BABAM2: variants seen among roughly 807,000 people sequenced by gnomAD.
The protein encoded by BABAM2 is BRISC and BRCA1 A complex member 2.
In BABAM2, 31 loss-of-function variants were observed where a neutral mutation model predicts 54.7. That is an observed-to-expected ratio of 0.57 (90% confidence interval 0.43 to 0.77). The LOEUF (loss-of-function observed/expected upper bound fraction) is 0.77, where lower values mean the gene tolerates loss of function less well. Among genes scored for constraint, BABAM2 ranks in the 30% least tolerant of loss-of-function variants. BABAM2 has a pLI of 0.00. For synonymous variants in BABAM2, 167 were observed against 162.9 expected (o/e 1.03, Z -0.19); for missense variants, 364 against 455.8 (o/e 0.80, Z 1.83).
chr2:28,256,595 G>A (rs1683993582), intron 10 of BABAM2, among the ~76,000 whole-genome samples: 1 of 151,948 alleles, frequency 6.6e-6, no homozygotes. Flanking sequence ...TGAGTACCTG[G>A]CCCAAGGTCA....
intron 10 of BABAM2, among the ~76,000 whole-genome samples, chr2:28,261,235 C>T (rs555160339): frequency 6.6e-6 from 1 of 152,006 alleles, no homozygotes; most frequent in Non-Finnish European, 1.5e-5. Context: ...AGCCACTGCA[C>T]CCAGACTAAA....
At chr2:28,164,229 C>T (rs955507564) in intron 7 of BABAM2, among the ~76,000 whole-genome samples, 2 of 152,152 alleles carry the variant, frequency 1.3e-5, no homozygotes, top group African/African-American at 4.8e-5. Context: ...AGAGCAGTTC[C>T]ACATGTGCAA....
intron 6 of BABAM2, among the ~76,000 whole-genome samples, chr2:28,059,137 G>A (rs1678667775): frequency 6.6e-6 from 1 of 152,114 alleles, no homozygotes. Flanking sequence ...CCAGAATTTG[G>A]CATAGGAGAA....
chr2:28,153,739 CAG>C (rs1479570603), intron 7 of BABAM2, among the ~76,000 whole-genome samples: 2 of 152,194 alleles, frequency 1.3e-5, no homozygotes, highest in African/African-American at 2.4e-5. Context: ...TTTAGGGGCT[CAG>C]AAATCTGCAT....
intron 4 of BABAM2, among the ~76,000 whole-genome samples, chr2:28,005,108 A>G (rs10199574): frequency 1.1e-4 from 17 of 152,198 alleles, no homozygotes; most frequent in African/African-American, 3.9e-4. Flanking sequence ...GGGAAAAGAG[A>G]TAACTATTTC....
chr2:28,161,135 G>A (rs1380442010), intron 7 of BABAM2, among the ~76,000 whole-genome samples: 1 of 152,166 alleles, frequency 6.6e-6, no homozygotes, highest in Non-Finnish European at 1.5e-5. Context: ...CGTCTTCAGG[G>A]AATTATGGGT....
intron 7 of BABAM2, among the ~76,000 whole-genome samples, chr2:28,130,220 G>A (rs1669907167): frequency 6.6e-6 from 1 of 152,046 alleles, no homozygotes; most frequent in South Asian, 2.1e-4. Flanking sequence ...GAGTAGATGT[G>A]GTCACTATCT....
chr2:28,121,336 C>T (rs1233735627), intron 6 of BABAM2, among the ~76,000 whole-genome samples: 1 of 152,170 alleles, frequency 6.6e-6, no homozygotes, highest in Non-Finnish European at 1.5e-5. Context: ...GAGGAAATAA[C>T]CTAATTACTG....
chr2:28,154,560 AC>A (rs1672366527), intron 7 of BABAM2, among the ~76,000 whole-genome samples: 1 of 152,124 alleles, frequency 6.6e-6, no homozygotes, highest in African/African-American at 2.4e-5. Context: ...TATTTTTCTT[AC>A]ATTTCTGTGT....
intron 6 of BABAM2, among the ~76,000 whole-genome samples, chr2:28,100,462 CAAA>C (rs34217491): frequency 2.2e-5 from 2 of 89,630 alleles, no homozygotes; most frequent in African/African-American, 4.6e-5. Flanking sequence ...ACTCTGTCTC[CAAA>C]AAAAAAAAAA....
chr2:28,063,155 A>C, intron 6 of BABAM2, among the ~76,000 whole-genome samples: 1 of 152,194 alleles, frequency 6.6e-6, no homozygotes, highest in South Asian at 2.1e-4. Flanking sequence ...GGACATTTAC[A>C]AACTTAAGTA....
At chr2:28,210,279 G>C (rs901899927) in intron 7 of BABAM2, among the ~76,000 whole-genome samples, 2 of 152,168 alleles carry the variant, frequency 1.3e-5, no homozygotes, top group Non-Finnish European at 2.9e-5. Flanking sequence ...CTATAACTTG[G>C]AGAATAAATA....
At position 28,248,207 on chromosome 2, in the gene BABAM2, C is replaced by CTTTTTCTTTTTCTTTTTTTT. The variant is rs1553349503; in HGVS notation, c.934+3350_934+3351insCTTTTTCTTTTTTTTTTTTT. Among the ~76,000 whole-genome samples the CTTTTTCTTTTTCTTTTTTTT allele has an allele frequency of 9.2e-4, 50 of 54,306 alleles. 1 individual carries two copies. Among genetic ancestry groups the CTTTTTCTTTTTCTTTTTTTT allele is most frequent in the Non-Finnish European group, 1.7e-3 (47 of 27,152 alleles). 35.6% of individuals were successfully genotyped at this position (54,306 alleles called of 152,430 possible). A position where few individuals can be genotyped will look rare whatever the true frequency, so the allele number is the denominator to read the frequency against. ...AGTAGCTTTTGTTTATTTTCTTTTT[C>CTTTTTCTTTTTCTTTTTTTT]TTTTTTTTTTTTTTTTTTTGAGACG... On this transcript the variant is annotated intron_variant, in intron 10 of 11. Coordinates refer to ENST00000379624, the MANE Select transcript of BABAM2 (RefSeq NM_199191.3).
chr2:28,097,071 A>G (rs1200630298), intron 6 of BABAM2, among the ~76,000 whole-genome samples: 2 of 152,192 alleles, frequency 1.3e-5, no homozygotes, highest in Non-Finnish European at 2.9e-5. Context: ...TAGGAAGGTG[A>G]CAGTACTGGA....
intron 10 of BABAM2, among the ~76,000 whole-genome samples, chr2:28,275,866 G>A (rs1408527660): frequency 1.3e-5 from 2 of 152,104 alleles, no homozygotes; most frequent in African/African-American, 2.4e-5. Flanking sequence ...TTCATGCGCT[G>A]TTAGAAATAG....
intron 3 of BABAM2, among the ~76,000 whole-genome samples, chr2:27,950,729 C>T (rs1669648213): frequency 1.3e-5 from 2 of 151,720 alleles, no homozygotes; most frequent in African/African-American, 4.8e-5. Flanking sequence ...CATATTATTT[C>T]TTCCTTAAAT....
At chr2:28,295,446 A>G (rs1687603046) in intron 10 of BABAM2, among the ~76,000 whole-genome samples, 1 of 151,642 alleles carries the variant, frequency 6.6e-6, no homozygotes, top group South Asian at 2.1e-4. Flanking sequence ...CTTGTTTTAT[A>G]TTTGCAAAAG....
rs185693979 is a variant in BABAM2 at position 28,119,585 on chromosome 2, T to A, written c.571-9686T>A. Among the ~76,000 whole-genome samples the A allele has an allele frequency of 2.1e-3, 318 of 152,354 alleles. 1 individual carries two copies. The highest frequency in any genetic ancestry group is 7.4e-3 in the African/African-American group (306 of 41,582). ...AGGATTTTCCTCCCTAAAGTTTGTT[T>A]GTATGACATGTGTTTCAATTTAGTT... On this transcript the variant is annotated intron_variant, in intron 6 of 11. Transcript: ENST00000379624.
chr2:28,213,359 G>A (rs2147993613), intron 7 of BABAM2, among the ~76,000 whole-genome samples: 1 of 152,292 alleles, frequency 6.6e-6, no homozygotes, highest in Non-Finnish European at 1.5e-5. Context: ...TTGATCTACA[G>A]CGGTAGTTTG....
Sources: gnomAD v4.1 joint callset for allele counts (sites outside exome capture counted in the v4.1 genomes callset) on GRCh38, gnomAD v4.1.1 for gene constraint, MANE v1.5 for transcripts, NCBI Gene and HGNC (gene_info 2026-07-23, HGNC 2026-07-21) for gene names.